CREB5: variants seen among roughly 807,000 people sequenced by gnomAD.
CREB5 encodes the protein cyclic AMP-responsive element-binding protein 5.
A neutral mutation model predicts 57.1 loss-of-function variants in CREB5; 19 were observed. That is an observed-to-expected ratio of 0.33 (90% CI 0.23 to 0.49). The LOEUF (loss-of-function observed/expected upper bound fraction) is 0.49, where lower values mean the gene tolerates loss of function less well. Among genes scored for constraint, CREB5 ranks in the 20% least tolerant of loss-of-function variants. The pLI is 0.99. For missense variants in CREB5, 579 were observed against 671.6 expected, an observed-to-expected ratio of 0.86 and a Z score of 1.52; for synonymous variants, 238 against 238.3, an observed-to-expected ratio of 1.00 and a Z score of 0.01.
At chr7:28,317,227 C>T (rs1325221860) in intron 1 of CREB5, among the ~76,000 whole-genome samples, 1 of 152,106 alleles carries the variant, frequency 6.6e-6, no homozygotes, top group Non-Finnish European at 1.5e-5. Flanking sequence ...AAGGAGGGTT[C>T]AGATTACCCC....
intron 7 of CREB5, among the ~76,000 whole-genome samples, chr7:28,790,904 T>A (rs1283209989): frequency 6.6e-6 from 1 of 152,262 alleles, no homozygotes; most frequent in African/African-American, 2.4e-5. Context: ...CTTGGCTTAG[T>A]GGTTGACACA....
chr7:28,368,704 A>G (rs1395714886), intron 1 of CREB5, among the ~76,000 whole-genome samples: 2 of 152,208 alleles, frequency 1.3e-5, no homozygotes, highest in African/African-American at 2.4e-5. Flanking sequence ...CCCTGACCAC[A>G]TGCTAGCTCA....
chr7:28,567,330 T>C (rs1270362022), intron 4 of CREB5, among the ~76,000 whole-genome samples: 1 of 152,216 alleles, frequency 6.6e-6, no homozygotes, highest in African/African-American at 2.4e-5. Flanking sequence ...TACTTGCAGA[T>C]TGCAAGATGA....
At chr7:28,611,813 A>C (rs952090390) in intron 5 of CREB5, among the ~76,000 whole-genome samples, 1 of 152,098 alleles carries the variant, frequency 6.6e-6, no homozygotes, top group African/African-American at 2.4e-5. Flanking sequence ...TCATGGTTGC[A>C]GTGGTTGTTA....
intron 1 of CREB5, among the ~76,000 whole-genome samples, chr7:28,354,964 T>C (rs1786310735): frequency 6.6e-6 from 1 of 152,216 alleles, no homozygotes; most frequent in Admixed American, 6.5e-5. Context: ...AGCATTCCTC[T>C]AAACCAATGG....
chr7:28,647,498 T>C (rs890986535), intron 5 of CREB5, among the ~76,000 whole-genome samples: 7 of 152,140 alleles, frequency 4.6e-5, no homozygotes, highest in Admixed American at 4.6e-4. Flanking sequence ...GATAGAAGGC[T>C]TGCAGTAAAC....
At chr7:28,369,898 G>T (rs1000400008) in intron 1 of CREB5, among the ~76,000 whole-genome samples, 7 of 152,072 alleles carry the variant, frequency 4.6e-5, no homozygotes, top group African/African-American at 1.7e-4. Context: ...TCATGGGTAC[G>T]TGAATCCCTG....
chr7:28,616,031 G>C (rs1352269243), intron 5 of CREB5: 1 of 152,170 alleles, frequency 6.6e-6, no homozygotes, highest in Non-Finnish European at 1.5e-5. Context: ...CAATTTATTT[G>C]TGCAACAGCC....
At chr7:28,738,095 A>G (rs1245023919) in intron 7 of CREB5, among the ~76,000 whole-genome samples, 1 of 152,174 alleles carries the variant, frequency 6.6e-6, no homozygotes, top group Non-Finnish European at 1.5e-5. Flanking sequence ...AGAAGACTAA[A>G]TTCTCACCAA....
At chr7:28,515,515 A>G (rs1413491863) in intron 4 of CREB5, among the ~76,000 whole-genome samples, 1 of 152,160 alleles carries the variant, frequency 6.6e-6, no homozygotes, top group Non-Finnish European at 1.5e-5. Context: ...TACCACTGCT[A>G]TTCCTCACTC....
chr7:28,401,865 T>C (rs1001911863), intron 1 of CREB5, among the ~76,000 whole-genome samples: 1 of 152,260 alleles, frequency 6.6e-6, no homozygotes, highest in African/African-American at 2.4e-5. Flanking sequence ...AGTGCCACAA[T>C]AAACATACAT....
intron 1 of CREB5, among the ~76,000 whole-genome samples, chr7:28,397,435 C>A (rs1050014924): frequency 6.6e-6 from 1 of 152,160 alleles, no homozygotes; most frequent in African/African-American, 2.4e-5. Context: ...GGGTTAGAGC[C>A]AGCCTCTGGA....
At chr7:28,617,562 A>C (rs1797637228) in intron 5 of CREB5, among the ~76,000 whole-genome samples, 1 of 152,218 alleles carries the variant, frequency 6.6e-6, no homozygotes, top group Non-Finnish European at 1.5e-5. Context: ...GGAAGCACAT[A>C]AATAACATCT....
Position 28,819,538 on chromosome 7 carries a change from T to G in CREB5, c.*259T>G. ...CAGTTTTCTGGTACCAGTTACTTGT[T>G]TATAAACTGAACCTTTTCTGTATAT... is the stretch of plus-strand genomic sequence containing the variant. On this transcript the variant is annotated 3_prime_UTR_variant, in exon 11 of 11. Transcript: ENST00000357727. 1 of 400,708 alleles carries G rather than the reference T, an allele frequency of 2.5e-6. No individual in the cohort carries two copies. The highest frequency in any genetic ancestry group is 4.7e-5 in the East Asian group (1 of 21,182). 24.8% of individuals were successfully genotyped at this position (400,708 alleles called of 1,614,324 possible).
chr7:28,656,819 T>C (rs960885162), intron 5 of CREB5, among the ~76,000 whole-genome samples: 1 of 151,868 alleles, frequency 6.6e-6, no homozygotes, highest in Non-Finnish European at 1.5e-5. Context: ...TACAAACCAA[T>C]TTTTTGACCT....
At chr7:28,666,936 G>GAAAA (rs113572513) in intron 5 of CREB5, among the ~76,000 whole-genome samples, 6 of 129,278 alleles carry the variant, frequency 4.6e-5, no homozygotes, top group Middle Eastern at 4.0e-3. Context: ...CCTTTCTTAG[G>GAAAA]AAAAAAAAAA....
At chr7:28,327,869 A>G (rs1032459796) in intron 1 of CREB5, among the ~76,000 whole-genome samples, 4 of 152,214 alleles carry the variant, frequency 2.6e-5, no homozygotes, top group African/African-American at 4.8e-5. Flanking sequence ...TCAAGACTCA[A>G]TTTGGGGATA....
At chr7:28,633,507 CT>C (rs1399076423) in intron 5 of CREB5, among the ~76,000 whole-genome samples, 6 of 152,150 alleles carry the variant, frequency 3.9e-5, no homozygotes, top group African/African-American at 1.4e-4. Flanking sequence ...AAAAAGCACT[CT>C]GGAGAATACC....
chr7:28,487,112 G>A (rs1791592016), intron 1 of CREB5, among the ~76,000 whole-genome samples: 2 of 152,230 alleles, frequency 1.3e-5, no homozygotes, highest in South Asian at 4.2e-4. Flanking sequence ...TGCCTCCTGG[G>A]TTCAAACGCC....
Sources: allele counts gnomAD v4.1 joint callset (sites outside exome capture counted in the v4.1 genomes callset), GRCh38; gene constraint gnomAD v4.1.1; transcripts MANE v1.5; gene names NCBI Gene and HGNC (gene_info 2026-07-23, HGNC 2026-07-21).